Variants in ZNF384 observed in about 807,000 individuals in gnomAD.
ZNF384 encodes the protein CAG repeat protein 1.
A neutral mutation model predicts 65.0 loss-of-function variants in ZNF384; 20 were observed. That is an observed-to-expected ratio of 0.31 (90% CI 0.22 to 0.45). The LOEUF is 0.45. Ranked by LOEUF, ZNF384 falls within the 20% of genes least tolerant of loss-of-function variation. The pLI is 1.00. For synonymous variants in ZNF384, 310 were observed against 303.9 expected, an observed-to-expected ratio of 1.02 and a Z score of -0.21; for missense variants, 549 against 769.4, an observed-to-expected ratio of 0.71 and a Z score of 3.39.
In ZNF384 at chr12:6,678,161, C is replaced by T; in HGVS notation, c.652G>A (p.Asp218Asn). 4 of 1,613,702 alleles carry T rather than the reference C, an allele frequency of 2.5e-6. No individual in the cohort carries two copies. Among genetic ancestry groups the T allele is most frequent in the Non-Finnish European group, 2.5e-6 (3 of 1,179,670 alleles). Residue 218 changes from aspartate (D) to asparagine (N), a missense_variant, in exon 6 of 12, where the codon GAT becomes AAT. By Grantham distance (23) the Asp-to-Asn change is conservative. Coordinates refer to ENST00000683879, the MANE Select transcript of ZNF384 (RefSeq NM_001385745.1). This position sits in a 1 kb window ranked among gnomAD's most constrained non-coding sequence, Gnocchi z 4.9. ...TTGCCGTCTTTCTGATGGTCATCAT[C>T]ATCCTCAGGGGAGAGGACATAAGGG... is the stretch of plus-strand genomic sequence containing the variant. ...NDPYVLSPEDDDDHQKDGKTY... is the reference protein window; with the variant it reads ...NDPYVLSPEDNDDHQKDGKTY...
chr12:6,678,553 C>G lies in ZNF384; in HGVS notation c.353-93G>C. 6.5e-7 allele frequency: 1 copy of G among 1,537,622 alleles called. No homozygotes were observed. The highest frequency in any genetic ancestry group is 1.2e-5 in the South Asian group (1 of 85,860). ...CCCCAGATCATTGTCTAATTAACCC[C>G]TCACCCCCCCGCCGACCCAACCCAG... On this transcript the variant is annotated intron_variant, in intron 5 of 11. Transcript: ENST00000683879. This position sits in a 1 kb window ranked among gnomAD's most constrained non-coding sequence, Gnocchi z 4.9.
chr12:6,688,743 C>G (rs938876862), intron 1 of ZNF384: 2 of 152,498 alleles, frequency 1.3e-5, no homozygotes, highest in African/African-American at 4.8e-5. Flanking sequence ...CAGCCTGCAC[C>G]GTGGTCTATC....
chr12:6,686,549 C>T (rs1194480204), intron 2 of ZNF384, among the ~76,000 whole-genome samples: 4 of 152,210 alleles, frequency 2.6e-5, no homozygotes, highest in Non-Finnish European at 1.5e-5. Context: ...CCACCGTGCC[C>T]GGCCAAGACT....
In ZNF384 at chr12:6,679,108, G is replaced by T; in HGVS notation, c.142C>A (p.His48Asn). Residue 48 changes from histidine (H) to asparagine (N), a missense_variant, in exon 4 of 12, where the codon CAC (histidine) becomes AAC (asparagine). By Grantham distance (68) the His-to-Asn change is moderately conservative (BLOSUM62 1). Coordinates refer to ENST00000683879, the MANE Select transcript of ZNF384 (RefSeq NM_001385745.1). ...GGCACTGTCAGCAAGGTGGGGTAGT[G>T]AGGTGGGGCCAGACCACAGCCCTTC... ...PEKGCGLAPP[H>N]YPTLLTVPAS... 2 of 1,613,826 alleles carry T rather than the reference G, an allele frequency of 1.2e-6. No individual in the cohort carries two copies. The highest frequency in any genetic ancestry group is 1.7e-6 in the Non-Finnish European group (2 of 1,179,788).
At position 6,678,838 on chromosome 12, in the gene ZNF384, G is replaced by T; in HGVS notation, c.304+108C>A. 1 of 1,463,178 alleles carries T rather than the reference G, an allele frequency of 6.8e-7. No homozygotes were observed. 90.6% of individuals were successfully genotyped at this position (1,463,178 alleles called of 1,614,324 possible). On this transcript the variant is annotated intron_variant, in intron 4 of 11. Transcript: ENST00000683879. This position sits in a 1 kb window ranked among gnomAD's most constrained non-coding sequence, Gnocchi z 4.9. ...GTAGGCACTTAATAAAAATTTGATT[G>T]AATAATCAAACACATATCCCACTCC...
chr12:6,669,256 T>C (rs1950586425), intron 10 of ZNF384, 67 bp from the exon 11 acceptor site: 9 of 1,493,142 alleles, frequency 6.0e-6, no homozygotes, highest in Non-Finnish European at 8.1e-6. Flanking sequence ...TTGACCTCGA[T>C]GGAAAGCAAA....
Position 6,672,257 on chromosome 12 carries a change from G to A in ZNF384, c.1187+93C>T, listed in dbSNP as rs1163210580. Reference sequence around the variant, plus strand: ...TCTCCTCCAGCCAGGTCTCTCCCCCGCCCCCCGCATGCGGGTTGTTGTGTG... The same window carrying A: ...TCTCCTCCAGCCAGGTCTCTCCCCCACCCCCCGCATGCGGGTTGTTGTGTG... On this transcript the variant is annotated intron_variant, in intron 9 of 11. Coordinates refer to ENST00000683879, the MANE Select transcript of ZNF384 (RefSeq NM_001385745.1). This position sits in a 1 kb window ranked among gnomAD's most constrained non-coding sequence, Gnocchi z 4.4. 19 of 1,381,958 alleles carry A rather than the reference G, an allele frequency of 1.4e-5. No individual in the cohort carries two copies. The highest frequency in any genetic ancestry group is 1.7e-5 in the Non-Finnish European group (17 of 1,024,516). The allele number at this position is 1,381,958 out of a possible 1,614,324, so 85.6% of individuals were successfully genotyped here. A position where few individuals can be genotyped will look rare whatever the true frequency, so the allele number is the denominator to read the frequency against.
At chr12:6,687,963 G>GA (rs1958557678) in intron 2 of ZNF384, among the ~76,000 whole-genome samples, 1 of 152,110 alleles carries the variant, frequency 6.6e-6, no homozygotes, top group Non-Finnish European at 1.5e-5. Flanking sequence ...AGTGATGGGG[G>GA]ATAGCGCCAA....
chr12:6,677,973 C>G (rs1304404137), intron 6 of ZNF384, 154 bp downstream of exon 6: 5 of 706,006 alleles, frequency 7.1e-6, no homozygotes, highest in Non-Finnish European at 1.2e-5. Flanking sequence ...GCTCTGCCTC[C>G]TATCCTATGA....
chr12:6,682,581 G>C (rs560117787), intron 2 of ZNF384, among the ~76,000 whole-genome samples: 4 of 152,260 alleles, frequency 2.6e-5, no homozygotes, highest in African/African-American at 9.6e-5. Context: ...CCGAGAGGCA[G>C]AGGCTGAAGT....
At chr12:6,669,937 C>T (rs1021742161) in intron 10 of ZNF384, among the ~76,000 whole-genome samples, 8 of 138,690 alleles carry the variant, frequency 5.8e-5, no homozygotes, top group African/African-American at 1.5e-4. Context: ...CGCACACGCG[C>T]GCGCGCACAC....
At chr12:6,669,539 G>A (rs750134877) in intron 10 of ZNF384, among the ~76,000 whole-genome samples, 1 of 149,408 alleles carries the variant, frequency 6.7e-6, no homozygotes, top group Non-Finnish European at 1.5e-5. Context: ...TCACTCTGTC[G>A]CTCAGGTTGG....
rs1478568540 is a variant in ZNF384, at chr12:6,667,302, TC to T, written c.*411del. ...ACAAGAGGCTGGTTGCATTTGGGGC[TC>T]CCTTTTCTCTGTTATCTGGGAGGGC... On this transcript the variant is annotated 3_prime_UTR_variant, in exon 12 of 12. Transcript: ENST00000683879. 5.5e-6 allele frequency: 2 copies of T among 365,892 alleles called. No individual in the cohort carries two copies. The highest frequency in any genetic ancestry group is 1.0e-5 in the Non-Finnish European group (2 of 194,330). The allele number at this position is 365,892 out of a possible 1,614,324, so 22.7% of individuals were successfully genotyped here. A position where few individuals can be genotyped will look rare whatever the true frequency, so the allele number is the denominator to read the frequency against.
In ZNF384 at chr12:6,672,940, T is replaced by TA; in HGVS notation, c.1004+275dup. The TA allele has an allele frequency of 2.0e-6, 1 of 489,244 alleles. No individual in the cohort carries two copies. The highest frequency in any genetic ancestry group is 3.7e-6 in the Non-Finnish European group (1 of 269,226). The allele number at this position is 489,244 out of a possible 1,614,324, so 30.3% of individuals were successfully genotyped here. Reference sequence around the variant, plus strand: ...CACCTTGGCTCTGAACTGAAGCATATAGTAAAAGCAGGCCTGCTCTGCAGA... The same window carrying TA: ...CACCTTGGCTCTGAACTGAAGCATATAAGTAAAAGCAGGCCTGCTCTGCAGA... On this transcript the variant is annotated intron_variant, in intron 8 of 11. Coordinates refer to ENST00000683879, the MANE Select transcript of ZNF384 (RefSeq NM_001385745.1). This position sits in a 1 kb window ranked among gnomAD's most constrained non-coding sequence, Gnocchi z 4.4.
At chr12:6,689,046 G>C (rs1048646892) in intron 1 of ZNF384, 52 bp downstream of exon 1, 1 of 152,352 alleles carries the variant, frequency 6.6e-6, no homozygotes, top group Non-Finnish European at 1.5e-5. Flanking sequence ...AAAGGGGAGG[G>C]GGGAGGAGCA....
chr12:6,678,272 C>T lies in ZNF384; in HGVS notation c.541G>A (p.Gly181Ser). The T allele has an allele frequency of 1.9e-6, 3 of 1,614,164 alleles. No homozygotes were observed. The highest frequency in any genetic ancestry group is 2.5e-6 in the Non-Finnish European group (3 of 1,180,036). ...TTAGGAGCCACACTGCCACCTCCAC[C>T]ACCACCTCCGCCTCCTTCCTCGGTT... ...TLTEEGGGGG[G>S]GGGSVAPKPP... Residue 181 changes from glycine to serine, a missense_variant, in exon 6 of 12, where the codon GGT (glycine) becomes AGT (serine). This residue lies in a region of ZNF384 where 277 missense variants were observed against 337.2 expected (regional missense o/e 0.82). Transcript: ENST00000683879. This position sits in a 1 kb window ranked among gnomAD's most constrained non-coding sequence, Gnocchi z 4.9.
intron 7 of ZNF384, among the ~76,000 whole-genome samples, chr12:6,675,508 T>A (rs1953155560): frequency 6.6e-6 from 1 of 152,220 alleles, no homozygotes; most frequent in Admixed American, 6.5e-5. Context: ...TTAAAATATT[T>A]CCAACTTGAA....
chr12:6,667,453 T>G lies in ZNF384; in HGVS notation c.*261A>C. ...CCTTCCCTTGAGCACCGACCCCCAGTTTTAGAAGCTTTGCTTGGGAGGGGA... is the reference window on the plus strand; with the variant it reads ...CCTTCCCTTGAGCACCGACCCCCAGGTTTAGAAGCTTTGCTTGGGAGGGGA... On this transcript the variant is annotated 3_prime_UTR_variant, in exon 12 of 12. Coordinates refer to ENST00000683879, the MANE Select transcript of ZNF384 (RefSeq NM_001385745.1). The G allele has an allele frequency of 6.9e-6, 4 of 577,282 alleles. No homozygotes were observed. The highest frequency in any genetic ancestry group is 9.3e-6 in the Non-Finnish European group (3 of 322,662). The allele number at this position is 577,282 out of a possible 1,614,324, so 35.8% of individuals were successfully genotyped here.
rs376546719 is a variant in ZNF384, at chr12:6,672,921, G to T, written c.1004+295C>A. ...GGACCTGAAGTTGAATGCACACCTT[G>T]GCTCTGAACTGAAGCATATAGTAAA... On this transcript the variant is annotated intron_variant, in intron 8 of 11. Coordinates refer to ENST00000683879, the MANE Select transcript of ZNF384 (RefSeq NM_001385745.1). The surrounding 1 kb of genome is among the most constrained non-coding windows in gnomAD (Gnocchi z 4.4). 2.1e-6 allele frequency: 1 copy of T among 471,762 alleles called. No individual in the cohort carries two copies. The allele number at this position is 471,762 out of a possible 1,614,324, so 29.2% of individuals were successfully genotyped here.
Sources: allele counts gnomAD v4.1 joint callset (sites outside exome capture counted in the v4.1 genomes callset), GRCh38; gene constraint gnomAD v4.1.1; regional missense constraint gnomAD v4.1.1; non-coding constraint Gnocchi (gnomAD v3.1); transcripts MANE v1.5; gene names NCBI Gene and HGNC (gene_info 2026-07-23, HGNC 2026-07-21).